Variants in PODXL observed in about 807,000 individuals in gnomAD.
PODXL encodes podocalyxin like, also known as podocalyxin.
A neutral mutation model predicts 48.9 loss-of-function variants in PODXL; 20 were observed. The ratio of observed to expected loss-of-function variants is 0.41; its 90% CI spans 0.29 to 0.59. The LOEUF is 0.59. Among genes scored for constraint, PODXL ranks in the 20% least tolerant of loss-of-function variants. PODXL has a pLI of 0.31. For synonymous variants in PODXL, 295 were observed against 287.4 expected (o/e 1.03, Z -0.27); for missense variants, 606 against 675.1 (o/e 0.90, Z 1.13).
intron 1 of PODXL, among the ~76,000 whole-genome samples, chr7:131,534,100 C>G (rs1373072833): frequency 1.3e-5 from 2 of 151,464 alleles, no homozygotes; most frequent in African/African-American, 4.8e-5. Flanking sequence ...TCCTCCTCCA[C>G]TCCTCCTCCA....
chr7:131,556,535 A>AGCAGAGCCGGGCTGGGGC lies in PODXL; in HGVS notation c.-194_-177dup, dbSNP rs1353248850. ...GGCGGCTCTTCCTCCCTGCCGCTGC[A>AGCAGAGCCGGGCTGGGGC]GCAGAGCCGGGCTGGGGCGCAGAGC... On this transcript the variant is annotated 5_prime_UTR_variant, in exon 1 of 9. Coordinates refer to ENST00000378555, the MANE Select transcript of PODXL (RefSeq NM_001018111.3). 6 of 724,482 alleles carry AGCAGAGCCGGGCTGGGGC rather than the reference A, an allele frequency of 8.3e-6. No individual in the cohort carries two copies. 44.9% of individuals were successfully genotyped at this position (724,482 alleles called of 1,614,324 possible). A position where few individuals can be genotyped will look rare whatever the true frequency, so the allele number is the denominator to read the frequency against.
chr7:131,534,465 T>C (rs1477803588), intron 1 of PODXL, among the ~76,000 whole-genome samples: 1 of 152,138 alleles, frequency 6.6e-6, no homozygotes, highest in Non-Finnish European at 1.5e-5. Flanking sequence ...GTGAGAGCTC[T>C]ATGTGAGGTC....
intron 1 of PODXL, among the ~76,000 whole-genome samples, chr7:131,514,758 C>G (rs1227751658): frequency 6.6e-6 from 1 of 151,818 alleles, no homozygotes; most frequent in African/African-American, 2.4e-5. Flanking sequence ...AAGCACGCAC[C>G]ACCACACCCA....
intron 1 of PODXL, 23 bp from the exon 2 acceptor site, chr7:131,511,456 A>G: frequency 6.3e-7 from 1 of 1,598,734 alleles, no homozygotes. Context: ...ATAACAGAGA[A>G]TGGAGTTAGG....
At chr7:131,533,920 G>C (rs866830026) in intron 1 of PODXL, among the ~76,000 whole-genome samples, 3 of 152,350 alleles carry the variant, frequency 2.0e-5, no homozygotes, top group Admixed American at 6.5e-5. Flanking sequence ...CAAAATTGGA[G>C]AGCAGGGTAA....
rs773151634 is a variant in PODXL at position 131,511,357 on chromosome 7, A to G, written c.177T>C (p.Asp59=). 18 of 1,610,298 alleles carry G rather than the reference A, an allele frequency of 1.1e-5. No individual in the cohort carries two copies. Among genetic ancestry groups the G allele is most frequent in the South Asian group, 3.3e-5 (3 of 91,074 alleles). Residue 59 remains aspartate (D), a synonymous_variant, in exon 2 of 9, where the codon GAT becomes GAC. Coordinates refer to ENST00000378555, the MANE Select transcript of PODXL (RefSeq NM_001018111.3). ...PASSVTIMAT[D]TAQQSTVPTS... is the part of the protein sequence containing the mutation. ...TGGGGACTGTGCTCTGCTGGGCTGT[A>G]TCTGTAGCCATGATGGTGACACTGG...
chr7:131,548,780 C>T (rs1798623371), intron 1 of PODXL, among the ~76,000 whole-genome samples: 1 of 152,016 alleles, frequency 6.6e-6, no homozygotes, highest in Non-Finnish European at 1.5e-5. Flanking sequence ...GACATGGCCC[C>T]CTCCTGCTTC....
At chr7:131,510,529 A>C (rs1797894166) in intron 2 of PODXL, among the ~76,000 whole-genome samples, 198 bp from the exon 3 acceptor site, 1 of 151,378 alleles carries the variant, frequency 6.6e-6, no homozygotes, top group Admixed American at 6.6e-5. Context: ...TAAATAAATA[A>C]ATAAATAGGT....
At chr7:131,531,817 A>G (rs1274824463) in intron 1 of PODXL, among the ~76,000 whole-genome samples, 1 of 152,164 alleles carries the variant, frequency 6.6e-6, no homozygotes, top group Admixed American at 6.5e-5. Context: ...ATAAGTTAAT[A>G]ATCACACATT....
rs1798017823 is a variant in PODXL at position 131,517,431 on chromosome 7, A to T, written c.101-5998T>A. ...GAACTGTGTTGACTCACAACGATAGAGAACGCAGCCAGTCAACCAGGTCCC... is the reference window on the plus strand; with the variant it reads ...GAACTGTGTTGACTCACAACGATAGTGAACGCAGCCAGTCAACCAGGTCCC... On this transcript the variant is annotated intron_variant, in intron 1 of 8. Coordinates refer to ENST00000378555, the MANE Select transcript of PODXL (RefSeq NM_001018111.3). Among the ~76,000 whole-genome samples, 3 of 152,240 alleles carry T rather than the reference A, an allele frequency of 2.0e-5. No homozygotes were observed. The South Asian group carries it at 6.2e-4, about 31-fold the overall frequency.
In PODXL at chr7:131,503,529, G is replaced by C. The variant is rs1797747588; in HGVS notation, c.*782C>G. On this transcript the variant is annotated 3_prime_UTR_variant, in exon 9 of 9. Coordinates refer to ENST00000378555, the MANE Select transcript of PODXL (RefSeq NM_001018111.3). Reference sequence around the variant, plus strand: ...CCCTTCTCTCCTCACCTGCACGCAGGTCCCCTAAGCAGACCTGGTTCACGC... The same window carrying C: ...CCCTTCTCTCCTCACCTGCACGCAGCTCCCCTAAGCAGACCTGGTTCACGC... 1 of 152,240 alleles carries C rather than the reference G, an allele frequency of 6.6e-6. No individual in the cohort carries two copies. Among genetic ancestry groups the C allele is most frequent in the African/African-American group, 2.4e-5 (1 of 41,420 alleles). The allele number at this position is 152,240 out of a possible 1,614,324, so 9.4% of individuals were successfully genotyped here.
chr7:131,551,289 C>G (rs1047122395), intron 1 of PODXL, among the ~76,000 whole-genome samples: 3 of 152,086 alleles, frequency 2.0e-5, no homozygotes, highest in Non-Finnish European at 2.9e-5. Context: ...TTCCTGGGTC[C>G]GGGACAGGAA....
At chr7:131,539,125 G>A (rs1169889577) in intron 1 of PODXL, among the ~76,000 whole-genome samples, 1 of 152,196 alleles carries the variant, frequency 6.6e-6, no homozygotes, top group South Asian at 2.1e-4. Flanking sequence ...ACCCGGGGGA[G>A]GTGGCAGAGT....
intron 1 of PODXL, among the ~76,000 whole-genome samples, chr7:131,550,795 A>G (rs1007328724): frequency 6.6e-6 from 1 of 151,226 alleles, no homozygotes; most frequent in Admixed American, 6.6e-5. Context: ...GCACACACAC[A>G]CACACGCACA....
Position 131,509,388 on chromosome 7 carries a change from T to C in PODXL, c.1000A>G (p.Thr334Ala). 7 of 1,613,770 alleles carry C rather than the reference T, an allele frequency of 4.3e-6. No individual in the cohort carries two copies. Among genetic ancestry groups the C allele is most frequent in the Non-Finnish European group, 5.9e-6 (7 of 1,179,844 alleles). ...ACCCAGTTACTCTCATGAGCCACAG[T>C]GGGAGAAGGTGTTTTGGGGTATCGG... The part of the protein sequence containing the change: ...THRYPKTPSP[T>A]VAHESNWAKC... Residue 334 changes from threonine to alanine, a missense_variant, in exon 4 of 9, where the codon ACT becomes GCT. Transcript: ENST00000378555.
At chr7:131,520,400 G>A in intron 1 of PODXL, 1 of 376,840 alleles carries the variant, frequency 2.7e-6, no homozygotes, top group East Asian at 7.3e-5. Context: ...CGGTTGTCCA[G>A]GAAACAGAAT....
chr7:131,542,519 T>C (rs1798499461), intron 1 of PODXL, among the ~76,000 whole-genome samples: 1 of 151,990 alleles, frequency 6.6e-6, no homozygotes, highest in Non-Finnish European at 1.5e-5. Flanking sequence ...TAGCAAGGCA[T>C]GGTGGTGCAT....
At chr7:131,505,633 TAAAATAA>T (rs1797784833) in intron 8 of PODXL, among the ~76,000 whole-genome samples, 1 of 151,914 alleles carries the variant, frequency 6.6e-6, no homozygotes, top group Non-Finnish European at 1.5e-5. Context: ...ATAATAATAA[TAAAATAA>T]AAAATAAATA....
chr7:131,552,848 G>A (rs538461879), intron 1 of PODXL, among the ~76,000 whole-genome samples: 14 of 152,164 alleles, frequency 9.2e-5, no homozygotes, highest in African/African-American at 1.9e-4. Flanking sequence ...GAGCAGTGGC[G>A]TGATCTTGGC....
Sources: gnomAD v4.1 joint callset for allele counts (sites outside exome capture counted in the v4.1 genomes callset) on GRCh38, gnomAD v4.1.1 for gene constraint, MANE v1.5 for transcripts, NCBI Gene and HGNC (gene_info 2026-07-23, HGNC 2026-07-21) for gene names.